The following SNED1 variants were observed in gnomAD, a reference collection of about 807,000 sequenced individuals.
SNED1 encodes sushi, nidogen and EGF-like domain-containing protein 1.
SNED1 carries 81 observed loss-of-function variants against 166.7 expected under a neutral mutation model. That is an observed-to-expected ratio of 0.49 (90% CI 0.41 to 0.58). The LOEUF (loss-of-function observed/expected upper bound fraction) is 0.58, where lower values mean the gene tolerates loss of function less well. SNED1 is among the 20% of genes least tolerant of loss of function. The pLI is 0.00. For synonymous variants in SNED1, 762 were observed against 822.0 expected (o/e 0.93, Z 1.25); for missense variants, 1,604 against 2,000.2 (o/e 0.80, Z 3.78).
chr2:241,052,505 A>G, intron 15 of SNED1, 37 bp downstream of exon 15: 1 of 1,482,576 alleles, frequency 6.7e-7, no homozygotes, highest in South Asian at 1.1e-5. Flanking sequence ...GGTACATGGG[A>G]TACCAGTGCC....
intron 1 of SNED1, chr2:241,015,638 C>T (rs966703465): frequency 3.0e-5 from 5 of 165,188 alleles, no homozygotes; most frequent in African/African-American, 4.8e-5. Context: ...CGTCTCATAG[C>T]GGTGGTGTTG....
chr2:241,029,832 G>A (rs1253082209), intron 1 of SNED1, among the ~76,000 whole-genome samples: 2 of 152,160 alleles, frequency 1.3e-5, no homozygotes, highest in East Asian at 1.9e-4. Flanking sequence ...ACCCCTCCCC[G>A]AAGCCCACCT....
intron 1 of SNED1, among the ~76,000 whole-genome samples, chr2:241,004,262 T>C (rs1212778743): frequency 6.6e-6 from 1 of 152,232 alleles, no homozygotes; most frequent in Non-Finnish European, 1.5e-5. Context: ...TTACCACACC[T>C]TAATGACTGT....
chr2:241,089,268 A>G, intron 31 of SNED1: 1 of 1,543,796 alleles, frequency 6.5e-7, no homozygotes, highest in African/African-American at 1.4e-5. Context: ...CCTGCCCCTT[A>G]TAGGAGCCCT....
chr2:241,049,981 G>T lies in SNED1; in HGVS notation c.1735+48G>T, dbSNP rs370952387. 1,532 of 1,411,266 alleles carry T rather than the reference G, an allele frequency of 1.1e-3. 16 individuals carry two copies. In the South Asian group the frequency reaches 0.017, roughly 16 times the overall value. 87.4% of individuals were successfully genotyped at this position (1,411,266 alleles called of 1,614,324 possible). On this transcript the variant is annotated intron_variant, in intron 12 of 31. Coordinates refer to ENST00000310397, the MANE Select transcript of SNED1 (RefSeq NM_001080437.3). ...GGCCGGCGTCAGCACCCTGGAGAGC[G>T]CCCGCGGTCCGCCGTCCTGCTTCTC...
chr2:241,057,133 C>T (rs1192285052), intron 16 of SNED1, among the ~76,000 whole-genome samples: 2 of 151,874 alleles, frequency 1.3e-5, no homozygotes, highest in African/African-American at 4.8e-5. Context: ...AATTCCAGCA[C>T]TTTGGGAGGC....
intron 1 of SNED1, among the ~76,000 whole-genome samples, chr2:241,012,825 CTTTTTTTTTTTTTT>C (rs59199140): frequency 7.4e-6 from 1 of 134,880 alleles, no homozygotes; most frequent in Non-Finnish European, 1.6e-5. Flanking sequence ...TTTTTTTTTT[CTTTTTTTTTTTTTT>C]TTGTTGTTGT....
chr2:241,066,129 A>T (rs1272971802), intron 21 of SNED1, among the ~76,000 whole-genome samples: 1 of 152,150 alleles, frequency 6.6e-6, no homozygotes, highest in African/African-American at 2.4e-5. Flanking sequence ...CTCCACCTGG[A>T]GCTGGCACTG....
chr2:241,042,227 G>C (rs1170964455), intron 8 of SNED1, among the ~76,000 whole-genome samples: 1 of 152,134 alleles, frequency 6.6e-6, no homozygotes, highest in Non-Finnish European at 1.5e-5. Flanking sequence ...TGCAAGGCTG[G>C]GGAAAGAACC....
At chr2:241,049,703 TG>T in intron 11 of SNED1, 113 bp from the exon 12 acceptor site, 1 of 724,008 alleles carries the variant, frequency 1.4e-6, no homozygotes, top group Non-Finnish European at 2.4e-6. Context: ...TCAGTGGCCT[TG>T]GTTCCAGACA....
intron 11 of SNED1, 87 bp downstream of exon 11, chr2:241,049,222 A>G (rs1418827099): frequency 1.0e-6 from 1 of 986,324 alleles, no homozygotes; most frequent in Non-Finnish European, 1.6e-6. Flanking sequence ...CAGAGGCCAG[A>G]GTCCCTACTT....
At chr2:241,089,348 CTA>C in intron 31 of SNED1, 2 of 1,550,618 alleles carry the variant, frequency 1.3e-6, no homozygotes, top group Non-Finnish European at 1.7e-6. Context: ...CAAAACAGGT[CTA>C]TGTTTTGTTA....
In SNED1 at chr2:241,051,756, T is replaced by G. The variant is rs2061849829; in HGVS notation, c.1748T>G (p.Leu583Arg). ...GKHCEKARPH[L>R]CSSGPCRNGG... ...TCCTTCCACACAGCCCGGCCACACCTGTGCAGCTCAGGGCCCTGCCGGAAC... is the reference window on the plus strand; with the variant it reads ...TCCTTCCACACAGCCCGGCCACACCGGTGCAGCTCAGGGCCCTGCCGGAAC... Residue 583 changes from leucine to arginine, a missense_variant, in exon 13 of 32, where the codon CTG (leucine) becomes CGG (arginine). By Grantham distance (102) the Leu-to-Arg change is moderately radical. Around this residue, in one of 2 missense-constraint regions of SNED1, gnomAD observed 1,237 missense variants for 1,620.8 expected, o/e 0.76. Coordinates refer to ENST00000310397, the MANE Select transcript of SNED1 (RefSeq NM_001080437.3). This position sits in a 1 kb window ranked among gnomAD's most constrained non-coding sequence, Gnocchi z 4.7. 1 of 1,522,366 alleles carries G rather than the reference T, an allele frequency of 6.6e-7. No individual in the cohort carries two copies. 94.3% of individuals were successfully genotyped at this position (1,522,366 alleles called of 1,614,324 possible). A position where few individuals can be genotyped will look rare whatever the true frequency, so the allele number is the denominator to read the frequency against.
rs146378183 is a variant in SNED1 at position 241,055,567 on chromosome 2, C to T, written c.2257+2241C>T. Reference sequence around the variant, plus strand: ...GGAACATCATGAAGCCTATGAAATCCTATCTTTTCACCTATTAAAGAGTTG... The same window carrying T: ...GGAACATCATGAAGCCTATGAAATCTTATCTTTTCACCTATTAAAGAGTTG... On this transcript the variant is annotated intron_variant, in intron 16 of 31. Coordinates refer to ENST00000310397, the MANE Select transcript of SNED1 (RefSeq NM_001080437.3). Among the ~76,000 whole-genome samples, 1,225 of 152,306 alleles carry T rather than the reference C, an allele frequency of 8.0e-3. 18 individuals carry two copies. The highest frequency in any genetic ancestry group is 0.027 in the African/African-American group (1,129 of 41,558).
chr2:241,004,803 A>C (rs1003317323), intron 1 of SNED1, among the ~76,000 whole-genome samples: 1 of 152,102 alleles, frequency 6.6e-6, no homozygotes, highest in Non-Finnish European at 1.5e-5. Flanking sequence ...GCTCACTGCA[A>C]CCTCTGCCTC....
At chr2:241,067,209 A>G (rs528709173) in intron 21 of SNED1, among the ~76,000 whole-genome samples, 1 of 152,268 alleles carries the variant, frequency 6.6e-6, no homozygotes, top group African/African-American at 2.4e-5. Context: ...AGTTGCCGGG[A>G]GCTGAGCGCT....
chr2:241,015,265 A>T (rs2060544084), intron 1 of SNED1, among the ~76,000 whole-genome samples: 1 of 152,198 alleles, frequency 6.6e-6, no homozygotes, highest in Admixed American at 6.5e-5. Context: ...TTCTGGATTT[A>T]CTTAGTTGAC....
chr2:241,083,965 T>C (rs912351199), intron 29 of SNED1, among the ~76,000 whole-genome samples: 1 of 150,228 alleles, frequency 6.7e-6, no homozygotes, highest in African/African-American at 2.5e-5. Context: ...CTGCCTAATT[T>C]TGGATTACTT....
chr2:241,061,758 G>A (rs62186645), intron 16 of SNED1, among the ~76,000 whole-genome samples: 24,263 of 151,094 alleles, frequency 0.16, 2,609 homozygotes, highest in Non-Finnish European at 0.24. Context: ...GGTGGTGGGC[G>A]CCTTTAGTCC....
Sources: gnomAD v4.1 joint callset for allele counts (sites outside exome capture counted in the v4.1 genomes callset) on GRCh38, gnomAD v4.1.1 for gene constraint, gnomAD v4.1.1 regional missense constraint, Gnocchi (gnomAD v3.1) non-coding constraint, MANE v1.5 for transcripts, NCBI Gene and HGNC (gene_info 2026-07-23, HGNC 2026-07-21) for gene names.